Variants in FAM107B observed in about 807,000 individuals in gnomAD.
The protein encoded by FAM107B is family with sequence similarity 107 member B, also known as protein FAM107B.
Under a neutral mutation model 31.5 loss-of-function variants are expected in FAM107B, and 21 were observed. The ratio of observed to expected loss-of-function variants is 0.67; its 90% CI spans 0.47 to 0.96. The LOEUF (loss-of-function observed/expected upper bound fraction) is 0.96, where lower values mean the gene tolerates loss of function less well. FAM107B is among the 40% of genes least tolerant of loss of function. The pLI is 0.00. For synonymous variants in FAM107B, 157 were observed against 141.5 expected (o/e 1.11, Z -0.78); for missense variants, 452 against 377.1 (o/e 1.20, Z -1.64).
intron 1 of FAM107B, among the ~76,000 whole-genome samples, chr10:14,684,136 G>T (rs911928426): frequency 1.3e-5 from 2 of 152,150 alleles, no homozygotes; most frequent in African/African-American, 4.8e-5. Flanking sequence ...TGCTGGAAGG[G>T]GCTCCCTGGG....
intron 1 of FAM107B, among the ~76,000 whole-genome samples, chr10:14,766,673 T>C (rs1287846503): frequency 6.6e-6 from 1 of 151,934 alleles, no homozygotes; most frequent in African/African-American, 2.4e-5. Context: ...ACTCATTTGA[T>C]GATCAATGAG....
Position 14,565,335 on chromosome 10 carries a change from T to C in FAM107B, c.470-34820A>G, listed in dbSNP as rs922071754. The stretch of plus-strand genomic sequence containing the variant: ...GACCACAGAAGTCCAGGGAGAGCAT[T>C]TGATGAAATGCAGTCCAAGGGGAGA... On this transcript the variant is annotated intron_variant, in intron 2 of 4. Transcript: ENST00000181796. 6.6e-5 allele frequency among the ~76,000 whole-genome samples: 10 copies of C among 152,046 alleles called. No homozygotes were observed. The South Asian group carries it at 1.3e-3, about 19-fold the overall frequency.
At chr10:14,632,519 G>A (rs997709552) in intron 2 of FAM107B, among the ~76,000 whole-genome samples, 8 of 150,444 alleles carry the variant, frequency 5.3e-5, no homozygotes, top group Admixed American at 2.7e-4. Context: ...GCTGAGGCAG[G>A]AGAATGGCGT....
At chr10:14,747,440 T>C (rs1482284231) in intron 1 of FAM107B, among the ~76,000 whole-genome samples, 1 of 152,246 alleles carries the variant, frequency 6.6e-6, no homozygotes, top group Non-Finnish European at 1.5e-5. Context: ...CTAGCTTCAA[T>C]CTGTGTGGCT....
intron 2 of FAM107B, among the ~76,000 whole-genome samples, chr10:14,636,732 C>T (rs1190631003): frequency 6.6e-6 from 1 of 152,002 alleles, no homozygotes; most frequent in Non-Finnish European, 1.5e-5. Context: ...GATAATTCAG[C>T]CCATAATGCA....
chr10:14,559,442 G>A (rs1323183295), intron 2 of FAM107B, among the ~76,000 whole-genome samples: 2 of 150,412 alleles, frequency 1.3e-5, no homozygotes, highest in African/African-American at 2.5e-5. Context: ...CCATACCAGG[G>A]AGATTTAAAT....
chr10:14,557,630 T>C (rs567732175), intron 2 of FAM107B, among the ~76,000 whole-genome samples: 164 of 152,390 alleles, frequency 1.1e-3, no homozygotes, highest in African/African-American at 3.5e-3. Flanking sequence ...CACAAAAATA[T>C]GACTGCTACT....
intron 2 of FAM107B, among the ~76,000 whole-genome samples, chr10:14,659,724 C>A (rs1854178800): frequency 2.6e-5 from 4 of 152,142 alleles, no homozygotes; most frequent in Admixed American, 2.6e-4. Flanking sequence ...AAAGCAGACA[C>A]TTTGTCTGAA....
At chr10:14,531,903 G>A (rs896646531) in intron 2 of FAM107B, among the ~76,000 whole-genome samples, 1 of 152,158 alleles carries the variant, frequency 6.6e-6, no homozygotes, top group Non-Finnish European at 1.5e-5. Flanking sequence ...ACTTACTTTG[G>A]AACCCATTCT....
chr10:14,642,101 G>A (rs1409936555), intron 2 of FAM107B, among the ~76,000 whole-genome samples: 3 of 152,178 alleles, frequency 2.0e-5, no homozygotes, highest in Non-Finnish European at 2.9e-5. Flanking sequence ...TTCCGAAAGG[G>A]AGAACTCAGA....
At chr10:14,674,949 C>A (rs1456413685) in intron 1 of FAM107B, among the ~76,000 whole-genome samples, 2 of 152,090 alleles carry the variant, frequency 1.3e-5, no homozygotes, top group Non-Finnish European at 2.9e-5. Flanking sequence ...ACGTTGTGCT[C>A]CGAAAGTGCT....
chr10:14,521,974 T>C lies in FAM107B; in HGVS notation c.699A>G (p.Glu233=). Residue 233 remains glutamate (E), a synonymous_variant, in exon 4 of 5, where the codon GAA becomes GAG. Coordinates refer to ENST00000181796, the MANE Select transcript of FAM107B (RefSeq NM_031453.4). ...TTATTACTTGGTCTCGTTTTCTTTT[T>C]TCCATCACCTTCTGCAATTCTGGTT... ...QNKPELQKVM[E]KRKRDQVIKQ... 2 of 1,614,178 alleles carry C rather than the reference T, an allele frequency of 1.2e-6. No individual in the cohort carries two copies. The highest frequency in any genetic ancestry group is 1.3e-5 in the African/African-American group (1 of 75,062).
chr10:14,541,434 C>T (rs751217652), intron 2 of FAM107B, among the ~76,000 whole-genome samples: 100 of 152,264 alleles, frequency 6.6e-4, no homozygotes, highest in Admixed American at 1.4e-3. Flanking sequence ...ACACCAAGCC[C>T]GTGCACGTTC....
intron 2 of FAM107B, among the ~76,000 whole-genome samples, chr10:14,629,409 AAT>A (rs1491383889): frequency 0.037 from 41 of 1,102 alleles, 3 homozygotes; most frequent in South Asian, 0.25. Context: ...TTATATATTT[AAT>A]ATATATAATA....
chr10:14,584,641 C>T (rs1298341478), intron 2 of FAM107B, among the ~76,000 whole-genome samples: 1 of 152,130 alleles, frequency 6.6e-6, no homozygotes, highest in African/African-American at 2.4e-5. Context: ...CTCCAAGATA[C>T]GGACCCTGTG....
At chr10:14,602,685 T>C (rs1291105256) in intron 2 of FAM107B, 2 of 152,226 alleles carry the variant, frequency 1.3e-5, no homozygotes, top group African/African-American at 2.4e-5. Flanking sequence ...TTTTTAAAGC[T>C]TAAAGATTTC....
chr10:14,530,260 T>A, intron 3 of FAM107B, 72 bp downstream of exon 3: 3 of 1,433,414 alleles, frequency 2.1e-6, no homozygotes, highest in Non-Finnish European at 2.8e-6. Flanking sequence ...CCTCTGTAAA[T>A]ACAATTAAAA....
chr10:14,519,791 T>G lies in FAM107B; in HGVS notation c.*1399A>C, dbSNP rs926820282. 4 of 152,292 alleles carry G rather than the reference T, an allele frequency of 2.6e-5. No homozygotes were observed. Among genetic ancestry groups the G allele is most frequent in the Non-Finnish European group, 5.9e-5 (4 of 68,036 alleles). 9.4% of individuals were successfully genotyped at this position (152,292 alleles called of 1,614,324 possible). A position where few individuals can be genotyped will look rare whatever the true frequency, so the allele number is the denominator to read the frequency against. On this transcript the variant is annotated 3_prime_UTR_variant, in exon 5 of 5. Transcript: ENST00000181796. ...AAGAAAGTATGAGAAGTCTCTCCAA[T>G]GCAGAAATGACTGGCTGAACTGTCT...
chr10:14,535,978 CTT>C (rs1269026571), intron 2 of FAM107B, among the ~76,000 whole-genome samples: 1 of 152,236 alleles, frequency 6.6e-6, no homozygotes, highest in Non-Finnish European at 1.5e-5. Context: ...ATCCCAGGTA[CTT>C]CTGTTGACTG....
Sources: allele counts gnomAD v4.1 joint callset (sites outside exome capture counted in the v4.1 genomes callset), GRCh38; gene constraint gnomAD v4.1.1; transcripts MANE v1.5; gene names NCBI Gene and HGNC (gene_info 2026-07-23, HGNC 2026-07-21).